The following NTM variants were observed in gnomAD, a reference collection of about 807,000 sequenced individuals.
NTM encodes the protein neurotrimin.
Under a neutral mutation model 42.1 loss-of-function variants are expected in NTM, and 13 were observed. That is an observed-to-expected ratio of 0.31 (90% CI 0.20 to 0.49). NTM has a LOEUF of 0.49. Ranked by LOEUF, NTM falls within the 20% of genes least tolerant of loss-of-function variation. The pLI is 0.99. For missense variants in NTM, 373 were observed against 452.8 expected (o/e 0.82, Z 1.60); for synonymous variants, 187 against 179.2 (o/e 1.04, Z -0.35).
chr11:131,911,509 C>T (rs779738476), intron 1 of NTM, 55 bp from the exon 2 acceptor site: 72 of 1,614,034 alleles, frequency 4.5e-5, no homozygotes, highest in Non-Finnish European at 4.2e-5. Flanking sequence ...CCTGTTCCTG[C>T]CCTGGAAGTG....
intron 1 of NTM, among the ~76,000 whole-genome samples, chr11:131,661,859 C>T (rs892554310): frequency 1.3e-5 from 2 of 152,016 alleles, no homozygotes; most frequent in Admixed American, 6.5e-5. Flanking sequence ...GAGAGAGAAA[C>T]GTAAAACATT....
chr11:131,946,287 C>G (rs2060337616), intron 2 of NTM, among the ~76,000 whole-genome samples: 1 of 152,044 alleles, frequency 6.6e-6, no homozygotes, highest in South Asian at 2.1e-4. Flanking sequence ...GACATATGTG[C>G]TTTTTAAACA....
At chr11:131,748,383 C>T (rs1748513974) in intron 1 of NTM, among the ~76,000 whole-genome samples, 2 of 152,214 alleles carry the variant, frequency 1.3e-5, no homozygotes, top group African/African-American at 2.4e-5. Context: ...AAGCAGACGC[C>T]GCACAGCCGG....
intron 1 of NTM, among the ~76,000 whole-genome samples, chr11:131,604,752 C>A (rs2060792080): frequency 6.6e-6 from 1 of 150,706 alleles, no homozygotes; most frequent in Admixed American, 6.6e-5. Flanking sequence ...GTAAGAATCC[C>A]ACTTCTTTCC....
intron 1 of NTM, among the ~76,000 whole-genome samples, chr11:131,690,393 G>A (rs1459124160): frequency 1.3e-5 from 2 of 152,218 alleles, no homozygotes; most frequent in Admixed American, 1.3e-4. Flanking sequence ...CCCGAGATCA[G>A]ATGGCAGAAA....
chr11:131,605,679 G>T (rs894646249), intron 1 of NTM: 1 of 453,468 alleles, frequency 2.2e-6, no homozygotes, highest in Non-Finnish European at 2.9e-6. Context: ...TGGGTGGTTT[G>T]TATGTGCCCT....
rs550340893 is a variant in NTM, at chr11:132,336,414, C to A, written c.*1268C>A. On this transcript the variant is annotated 3_prime_UTR_variant, in exon 9 of 9. Coordinates refer to ENST00000683400, the MANE Select transcript of NTM (RefSeq NM_001352005.2). ...AAAAAAAAAAAAAAACAACTAATAC[C>A]GGGCGCAGCATCTTTCCAGGTGTGG... 5 of 152,100 alleles carry A rather than the reference C, an allele frequency of 3.3e-5. No homozygotes were observed. The highest frequency in any genetic ancestry group is 1.2e-4 in the African/African-American group (5 of 41,348). 9.4% of individuals were successfully genotyped at this position (152,100 alleles called of 1,614,324 possible).
At chr11:132,109,913 C>G (rs7107488) in intron 2 of NTM, among the ~76,000 whole-genome samples, 85,266 of 152,090 alleles carry the variant, frequency 0.56, 24,282 homozygotes, top group African/African-American at 0.62. Context: ...CCATTCCTGA[C>G]TTACAATTTG....
intron 3 of NTM, among the ~76,000 whole-genome samples, chr11:132,153,982 T>C (rs2072580408): frequency 6.6e-6 from 1 of 152,226 alleles, no homozygotes; most frequent in African/African-American, 2.4e-5. Flanking sequence ...TAGAGTTTTT[T>C]AGGGGATCTG....
chr11:131,895,209 A>T (rs2052068779), intron 1 of NTM, among the ~76,000 whole-genome samples: 1 of 152,186 alleles, frequency 6.6e-6, no homozygotes, highest in African/African-American at 2.4e-5. Context: ...CTGATCTGGA[A>T]ATGAAGATTT....
intron 1 of NTM, among the ~76,000 whole-genome samples, chr11:131,464,368 G>T (rs1053291820): frequency 2.6e-5 from 4 of 152,122 alleles, no homozygotes; most frequent in Admixed American, 2.0e-4. Context: ...CTGGGGGGGG[G>T]GCAGCAACAA....
At chr11:132,133,302 A>C (rs191042415) in intron 2 of NTM, among the ~76,000 whole-genome samples, 1 of 152,322 alleles carries the variant, frequency 6.6e-6, no homozygotes, top group East Asian at 1.9e-4. Flanking sequence ...CTATCATAAG[A>C]AACAGCACAC....
At chr11:132,310,313 G>T in intron 6 of NTM, 81 bp downstream of exon 6, 1 of 1,391,468 alleles carries the variant, frequency 7.2e-7, no homozygotes, top group Non-Finnish European at 9.6e-7. Context: ...CCACATTGTT[G>T]CAAACGAGTT....
At chr11:131,780,177 G>A (rs1316197363) in intron 1 of NTM, among the ~76,000 whole-genome samples, 1 of 152,170 alleles carries the variant, frequency 6.6e-6, no homozygotes, top group Non-Finnish European at 1.5e-5. Context: ...AAGGAGGGGA[G>A]GTGAATTTGT....
chr11:132,023,714 G>T (rs1279178649), intron 2 of NTM, among the ~76,000 whole-genome samples: 1 of 150,384 alleles, frequency 6.6e-6, no homozygotes, highest in Non-Finnish European at 1.5e-5. Flanking sequence ...TGTTGTTGTT[G>T]GTTTTGTTGT....
chr11:131,752,193 GT>G (rs2082645486), intron 1 of NTM, among the ~76,000 whole-genome samples: 1 of 152,158 alleles, frequency 6.6e-6, no homozygotes, highest in South Asian at 2.1e-4. Context: ...ACTTTGAAAA[GT>G]TGTATGTTTT....
chr11:132,256,513 G>A (rs181308651), intron 4 of NTM, among the ~76,000 whole-genome samples: 4 of 152,256 alleles, frequency 2.6e-5, no homozygotes, highest in Admixed American at 6.5e-5. Flanking sequence ...TCACTTTGCC[G>A]GCTTTTTCTC....
rs570124796 is a variant in NTM, at chr11:131,724,434, G to T, written c.83-187130G>T. ...GTGCTGTCTGGCCCTACTCTCAGGG[G>T]CTCTCAGCCTCAAGTCATGTACACA... On this transcript the variant is annotated intron_variant, in intron 1 of 8. Transcript: ENST00000683400. Among the ~76,000 whole-genome samples, 8 of 152,286 alleles carry T rather than the reference G, an allele frequency of 5.3e-5. No homozygotes were observed. In the South Asian group the frequency reaches 1.7e-3, roughly 32 times the overall value.
intron 1 of NTM, among the ~76,000 whole-genome samples, chr11:131,445,973 C>T (rs915269706): frequency 3.3e-5 from 5 of 152,220 alleles, no homozygotes; most frequent in African/African-American, 1.2e-4. Context: ...CAAAGGCTAA[C>T]ATAGTTACTA....
Sources: allele counts gnomAD v4.1 joint callset (sites outside exome capture counted in the v4.1 genomes callset), GRCh38; gene constraint gnomAD v4.1.1; transcripts MANE v1.5; gene names NCBI Gene and HGNC (gene_info 2026-07-23, HGNC 2026-07-21).